Variants in RXRA observed in about 807,000 individuals in gnomAD.
RXRA encodes the protein retinoic acid receptor RXR-alpha.
A neutral mutation model predicts 44.5 loss-of-function variants in RXRA; 5 were observed. The observed-to-expected ratio is 0.11, with a 90% CI of 0.06 to 0.24. The LOEUF is 0.24. RXRA is among the 10% of genes least tolerant of loss of function. The pLI is 1.00. For synonymous variants in RXRA, 291 were observed against 271.4 expected (o/e 1.07, Z -0.71); for missense variants, 412 against 646.5 (o/e 0.64, Z 3.93).
At chr9:134,344,280 G>C (rs1180464443) in intron 1 of RXRA, among the ~76,000 whole-genome samples, 2 of 152,170 alleles carry the variant, frequency 1.3e-5, no homozygotes, top group Non-Finnish European at 2.9e-5. Context: ...CTCCTCCCTG[G>C]GTGGAGGAGT....
intron 1 of RXRA, among the ~76,000 whole-genome samples, chr9:134,396,772 G>C (rs545905488): frequency 6.6e-6 from 1 of 152,296 alleles, no homozygotes; most frequent in East Asian, 1.9e-4. Context: ...TTCCTGGGGC[G>C]CCAGATTGGA....
At chr9:134,424,873 G>A in intron 6 of RXRA, 1 of 985,468 alleles carries the variant, frequency 1.0e-6, no homozygotes, top group Non-Finnish European at 1.2e-6. Context: ...CTGGCAGGAG[G>A]CAGTGGCAGA....
chr9:134,420,459 C>T (rs1019250937), intron 5 of RXRA, among the ~76,000 whole-genome samples: 1 of 152,208 alleles, frequency 6.6e-6, no homozygotes, highest in African/African-American at 2.4e-5. Context: ...CCTGTGTATA[C>T]CCCTTCTGGC....
At chr9:134,361,330 C>T (rs1309354742) in intron 1 of RXRA, among the ~76,000 whole-genome samples, 4 of 152,108 alleles carry the variant, frequency 2.6e-5, no homozygotes, top group African/African-American at 9.7e-5. Context: ...CCTCCCAGGC[C>T]CTCCCCTGAG....
At chr9:134,346,702 G>A (rs879950678) in intron 1 of RXRA, among the ~76,000 whole-genome samples, 4 of 152,208 alleles carry the variant, frequency 2.6e-5, no homozygotes, top group Non-Finnish European at 5.9e-5. Context: ...CCCCATTTTG[G>A]GGATGTCATG....
chr9:134,393,309 G>T (rs1280890235), intron 1 of RXRA, among the ~76,000 whole-genome samples: 1 of 152,202 alleles, frequency 6.6e-6, no homozygotes, highest in South Asian at 2.1e-4. Context: ...CAAGAGTTTG[G>T]CCTGCACCTC....
At chr9:134,410,387 C>T (rs370302702) in intron 4 of RXRA, among the ~76,000 whole-genome samples, 77 of 152,334 alleles carry the variant, frequency 5.1e-4, no homozygotes, top group African/African-American at 1.7e-3. Context: ...AAGCCTTGCG[C>T]AGGGTCACAT....
intron 1 of RXRA, among the ~76,000 whole-genome samples, chr9:134,395,870 C>A (rs1343892499): frequency 6.6e-6 from 1 of 152,240 alleles, no homozygotes. Context: ...GGCAGGGTAA[C>A]CTCAGAAGAG....
rs1355761796 is a variant in RXRA at position 134,342,629 on chromosome 9, T to TGGGGCTGC, written c.28+15982_28+15989dup. On this transcript the variant is annotated intron_variant, in intron 1 of 9. Coordinates refer to ENST00000481739, the MANE Select transcript of RXRA (RefSeq NM_002957.6). This position sits in a 1 kb window ranked among gnomAD's most constrained non-coding sequence, Gnocchi z 4.4. Reference sequence around the variant, plus strand: ...AGCTGCTGTGAGCCCAGGCAGGTGGTGGGGCTGCGGGGCTGCGGGAGGAGG... The same window carrying TGGGGCTGC: ...AGCTGCTGTGAGCCCAGGCAGGTGGTGGGGCTGCGGGGCTGCGGGGCTGCGGGAGGAGG... 6.6e-6 allele frequency among the ~76,000 whole-genome samples: 1 copy of TGGGGCTGC among 152,090 alleles called. No individual in the cohort carries two copies. The highest frequency in any genetic ancestry group is 1.9e-4 in the East Asian group (1 of 5,150).
intron 1 of RXRA, among the ~76,000 whole-genome samples, chr9:134,363,573 C>T (rs77696938): frequency 0.011 from 1,600 of 152,352 alleles, 23 homozygotes; most frequent in African/African-American, 0.036. Flanking sequence ...CACTGCCCTC[C>T]AGGGAGGCCC....
intron 1 of RXRA, among the ~76,000 whole-genome samples, chr9:134,389,965 T>G (rs1830775873): frequency 6.6e-6 from 1 of 152,188 alleles, no homozygotes; most frequent in Admixed American, 6.5e-5. Context: ...GGCCAGCGGC[T>G]CGTCCCCTCC....
chr9:134,334,830 G>T (rs1829970979), intron 1 of RXRA, among the ~76,000 whole-genome samples: 1 of 152,240 alleles, frequency 6.6e-6, no homozygotes, highest in South Asian at 2.1e-4. Context: ...CTGGGTTGCT[G>T]GCGTCCAGGA....
At chr9:134,338,772 T>C (rs1479648516) in intron 1 of RXRA, among the ~76,000 whole-genome samples, 2 of 152,206 alleles carry the variant, frequency 1.3e-5, no homozygotes, top group Non-Finnish European at 2.9e-5. Context: ...CCCTGCACTG[T>C]GCCCAGCCTT....
At position 134,417,467 on chromosome 9, in the gene RXRA, T is replaced by C; in HGVS notation, c.780+140T>C. 1 of 1,009,590 alleles carries C rather than the reference T, an allele frequency of 9.9e-7. No homozygotes were observed. Among genetic ancestry groups the C allele is most frequent in the Non-Finnish European group, 1.4e-6 (1 of 697,076 alleles). 62.5% of individuals were successfully genotyped at this position (1,009,590 alleles called of 1,614,324 possible). On this transcript the variant is annotated intron_variant, in intron 5 of 9. Transcript: ENST00000481739. The surrounding 1 kb of genome is among the most constrained non-coding windows in gnomAD (Gnocchi z 6.1). Reference sequence around the variant, plus strand: ...GCCCTGTGGCTGCCTCAGCTCGGCCTCTTACCTGAGGTGACCCCGTGGGCC... The same window carrying C: ...GCCCTGTGGCTGCCTCAGCTCGGCCCCTTACCTGAGGTGACCCCGTGGGCC...
chr9:134,430,737 C>G (rs113270472), intron 7 of RXRA, among the ~76,000 whole-genome samples: 7 of 152,320 alleles, frequency 4.6e-5, no homozygotes, highest in African/African-American at 1.2e-4. Flanking sequence ...AAGCGAAGCC[C>G]CAGCCACTTG....
intron 1 of RXRA, among the ~76,000 whole-genome samples, chr9:134,364,911 G>T (rs559416788): frequency 2.6e-5 from 4 of 152,356 alleles, no homozygotes; most frequent in Admixed American, 1.3e-4. Flanking sequence ...CTAGCTCGTG[G>T]CCCTGGCTTT....
chr9:134,398,025 G>C (rs1830904970), intron 1 of RXRA, among the ~76,000 whole-genome samples: 1 of 152,096 alleles, frequency 6.6e-6, no homozygotes, highest in African/African-American at 2.4e-5. Flanking sequence ...TGTCACCCAG[G>C]CTGGAGTGCG....
intron 1 of RXRA, among the ~76,000 whole-genome samples, chr9:134,368,540 AGT>A (rs372133730): frequency 2.0e-5 from 3 of 151,334 alleles, no homozygotes; most frequent in Admixed American, 6.6e-5. Context: ...TGTGTGTATG[AGT>A]GTGTGTGTGT....
intron 1 of RXRA, among the ~76,000 whole-genome samples, chr9:134,389,264 C>G (rs948807089): frequency 4.6e-5 from 7 of 152,172 alleles, no homozygotes. Flanking sequence ...TGCTGGGTTC[C>G]CTGCACACGT....
Sources: gnomAD v4.1 joint callset for allele counts (sites outside exome capture counted in the v4.1 genomes callset) on GRCh38, gnomAD v4.1.1 for gene constraint, Gnocchi (gnomAD v3.1) non-coding constraint, MANE v1.5 for transcripts, NCBI Gene and HGNC (gene_info 2026-07-23, HGNC 2026-07-21) for gene names.